ARHGAP5: variants seen among roughly 807,000 people sequenced by gnomAD.
ARHGAP5 encodes rho GTPase-activating protein 5.
A neutral mutation model predicts 116.6 loss-of-function variants in ARHGAP5; 23 were observed. That is an observed-to-expected ratio of 0.20 (90% confidence interval 0.14 to 0.28). The LOEUF is 0.28. Ranked by LOEUF, ARHGAP5 falls within the 10% of genes least tolerant of loss-of-function variation. The pLI is 1.00. For missense variants in ARHGAP5, 1,405 were observed against 1,774.8 expected (o/e 0.79, Z 3.74); for synonymous variants, 574 against 602.0 (o/e 0.95, Z 0.68).
chr14:32,115,676 A>AAAG (rs1555357275), intron 2 of ARHGAP5, among the ~76,000 whole-genome samples: 1 of 147,936 alleles, frequency 6.8e-6, no homozygotes, highest in East Asian at 2.0e-4. Flanking sequence ...AAAAAAAAAA[A>AAAG]AAAAAAAAGC....
intron 3 of ARHGAP5, among the ~76,000 whole-genome samples, chr14:32,140,098 T>TC (rs1881041272): frequency 1.7e-5 from 2 of 119,364 alleles, no homozygotes; most frequent in African/African-American, 7.2e-5. Flanking sequence ...TTATTTGTTC[T>TC]TTTTTTTTTT....
chr14:32,109,462 G>A (rs1252286647), intron 2 of ARHGAP5, among the ~76,000 whole-genome samples: 1 of 151,710 alleles, frequency 6.6e-6, no homozygotes, highest in Admixed American at 6.6e-5. Flanking sequence ...TATCTCATTC[G>A]CTCGTCTCCC....
intron 2 of ARHGAP5, among the ~76,000 whole-genome samples, chr14:32,114,167 G>T (rs1879442624): frequency 6.6e-6 from 1 of 151,768 alleles, no homozygotes; most frequent in Non-Finnish European, 1.5e-5. Flanking sequence ...GGCAGAGCTT[G>T]CAGTGAGCTG....
At chr14:32,126,312 C>T (rs972121764) in intron 3 of ARHGAP5, among the ~76,000 whole-genome samples, 1 of 152,048 alleles carries the variant, frequency 6.6e-6, no homozygotes, top group Non-Finnish European at 1.5e-5. Flanking sequence ...GGCCATGTTC[C>T]CTCTGAGACT....
At chr14:32,128,658 C>G (rs1880323178) in intron 3 of ARHGAP5, among the ~76,000 whole-genome samples, 3 of 152,260 alleles carry the variant, frequency 2.0e-5, no homozygotes, top group South Asian at 4.1e-4. Context: ...CCCGGCTGCT[C>G]CATCCCGCTG....
At chr14:32,089,986 T>C (rs770496426) in intron 1 of ARHGAP5, among the ~76,000 whole-genome samples, 3 of 151,954 alleles carry the variant, frequency 2.0e-5, no homozygotes, top group Non-Finnish European at 4.4e-5. Context: ...ACTTGAAATT[T>C]ATTGCAAAAA....
chr14:32,154,808 A>G lies in ARHGAP5; in HGVS notation c.4369A>G (p.Thr1457Ala). 6.2e-7 allele frequency: 1 copy of G among 1,614,154 alleles called. No homozygotes were observed. The change falls in exon 7 of 7, where the codon ACG becomes GCG. Residue 1457 changes from threonine (T) to alanine (A), a missense_variant. Physicochemically the swap from Thr to Ala is moderately conservative, Grantham distance 58. Coordinates refer to ENST00000345122, the MANE Select transcript of ARHGAP5 (RefSeq NM_001030055.2). ...CTTTTACAATGGAGAAATTGTAGAA[A>G]CGACAAACATTGTGGCTCCTCCACC... ...FFFYNGEIVE[T>A]TNIVAPPPPS...
rs138448485 is a variant in ARHGAP5 at position 32,100,116 on chromosome 14, G to A, written c.3717+5730G>A. Among the ~76,000 whole-genome samples, 442 of 152,256 alleles carry A rather than the reference G, an allele frequency of 2.9e-3. 1 individual carries two copies. The highest frequency in any genetic ancestry group is 0.014 in the Middle Eastern group (4 of 294). On this transcript the variant is annotated intron_variant, in intron 2 of 6. Transcript: ENST00000345122. ...ATTGTACATTGTGCCCTCTGTATCC[G>A]TGAGTTTCACATCCACAGATTCCAC...
intron 2 of ARHGAP5, among the ~76,000 whole-genome samples, chr14:32,112,077 A>G (rs1879337555): frequency 6.6e-6 from 1 of 151,948 alleles, no homozygotes; most frequent in Admixed American, 6.6e-5. Flanking sequence ...TCGGCCTCCC[A>G]AAGTTCTGGG....
At chr14:32,137,560 A>G (rs1423003030) in intron 3 of ARHGAP5, among the ~76,000 whole-genome samples, 3 of 152,046 alleles carry the variant, frequency 2.0e-5, no homozygotes, top group Non-Finnish European at 4.4e-5. Context: ...GTTTCCTGCA[A>G]TTGAATGTGA....
chr14:32,146,398 T>A, intron 4 of ARHGAP5, 58 bp downstream of exon 4: 1 of 1,247,272 alleles, frequency 8.0e-7, no homozygotes, highest in Non-Finnish European at 1.2e-6. Context: ...TTGTTAGAAT[T>A]CATGGTGAGA....
At position 32,094,095 on chromosome 14, in the gene ARHGAP5, A is replaced by C. The variant is rs1878400382; in HGVS notation, c.3426A>C (p.Ser1142=). Residue 1142 remains serine (S), a synonymous_variant, in exon 2 of 7, where the codon TCA becomes TCC. Coordinates refer to ENST00000345122, the MANE Select transcript of ARHGAP5 (RefSeq NM_001030055.2). ...AAAATGGGTTTTCTGATAGAACCTC[A>C]AAAAGTCATGGGGAACGGAGGCCTT... is the stretch of plus-strand genomic sequence containing the variant. ...DEENGFSDRT[S]KSHGERRPSK... 1 of 1,614,112 alleles carries C rather than the reference A, an allele frequency of 6.2e-7. No homozygotes were observed. Among genetic ancestry groups the C allele is most frequent in the African/African-American group, 1.3e-5 (1 of 75,050 alleles).
chr14:32,146,245 ATTTC>A lies in ARHGAP5; in HGVS notation c.3866-14_3866-11del, dbSNP rs1217443967. On this transcript the variant is annotated splice_polypyrimidine_tract_variant and intron_variant, in intron 3 of 6. Transcript: ENST00000345122. ...TATATGTGTTTATTAAAGTATGCAT[ATTTC>A]TTTATTCTCTTAGGGTTATGTACCG... is the stretch of plus-strand genomic sequence containing the variant. The A allele has an allele frequency of 1.0e-5, 16 of 1,575,292 alleles. No individual in the cohort carries two copies. The highest frequency in any genetic ancestry group is 1.3e-5 in the Non-Finnish European group (15 of 1,145,458).
intron 3 of ARHGAP5, among the ~76,000 whole-genome samples, chr14:32,122,638 T>C (rs1879946126): frequency 6.6e-6 from 1 of 152,222 alleles, no homozygotes; most frequent in South Asian, 2.1e-4. Flanking sequence ...AGTTTTACGG[T>C]TTTATCACAT....
chr14:32,148,226 A>C lies in ARHGAP5; in HGVS notation c.3944-1676A>C, dbSNP rs141900665. 4.6e-5 allele frequency among the ~76,000 whole-genome samples: 7 copies of C among 151,332 alleles called. No individual in the cohort carries two copies. The East Asian group carries it at 5.8e-4, about 13-fold the overall frequency. On this transcript the variant is annotated intron_variant, in intron 4 of 6. Transcript: ENST00000345122. The stretch of plus-strand genomic sequence containing the variant: ...TCTATCTATCTATGTATATCTATCT[A>C]TAGTGTTTAAAAAACTGTTTAGACA...
Position 32,087,932 on chromosome 14 carries a change from T to C in ARHGAP5, c.-168-2570T>C, listed in dbSNP as rs576344792. Among the ~76,000 whole-genome samples, 82 of 152,236 alleles carry C rather than the reference T, an allele frequency of 5.4e-4. 1 individual carries two copies. The highest frequency in any genetic ancestry group is 8.5e-4 in the Non-Finnish European group (58 of 67,938). Reference sequence around the variant, plus strand: ...TGTCAAAAAGCTTTCCAGTTTTCAGTGACCAATGAAAGGGTCATGACTTAA... The same window carrying C: ...TGTCAAAAAGCTTTCCAGTTTTCAGCGACCAATGAAAGGGTCATGACTTAA... On this transcript the variant is annotated intron_variant, in intron 1 of 6. Transcript: ENST00000345122.
intron 2 of ARHGAP5, among the ~76,000 whole-genome samples, chr14:32,101,993 A>AT (rs1566665837): frequency 6.6e-6 from 1 of 152,030 alleles, no homozygotes; most frequent in East Asian, 1.9e-4. Context: ...GAAAAAAAAA[A>AT]GCTTACTATA....
At position 32,143,925 on chromosome 14, in the gene ARHGAP5, C is replaced by T. The variant is rs1167972024; in HGVS notation, c.3866-2338C>T. 3.3e-5 allele frequency among the ~76,000 whole-genome samples: 5 copies of T among 152,234 alleles called. No homozygotes were observed. In the East Asian group the frequency reaches 7.7e-4, roughly 23 times the overall value. On this transcript the variant is annotated intron_variant, in intron 3 of 6. Transcript: ENST00000345122. The stretch of plus-strand genomic sequence containing the variant: ...GGATGTTTAACAGCATTCCTGGCCA[C>T]TGCCTGTTAGATAGCCTTCCTACAA...
intron 3 of ARHGAP5, among the ~76,000 whole-genome samples, chr14:32,128,489 G>C (rs982781255): frequency 6.6e-6 from 1 of 152,258 alleles, no homozygotes; most frequent in South Asian, 2.1e-4. Context: ...CTGGGCTCTG[G>C]TTTCCTCATT....
Sources: allele counts gnomAD v4.1 joint callset (sites outside exome capture counted in the v4.1 genomes callset), GRCh38; gene constraint gnomAD v4.1.1; transcripts MANE v1.5; gene names NCBI Gene and HGNC (gene_info 2026-07-23, HGNC 2026-07-21).